The following CD151 variants were observed in gnomAD, a reference collection of about 807,000 sequenced individuals.
CD151 encodes CD151 molecule (Raph blood group), also known as CD151 antigen.
Under a neutral mutation model 34.2 loss-of-function variants are expected in CD151, and 20 were observed. That is an observed-to-expected ratio of 0.58 (90% CI 0.41 to 0.85). CD151 has a LOEUF of 0.85. CD151 is among the 40% of genes least tolerant of loss of function. CD151 has a pLI of 0.00. For synonymous variants in CD151, 157 were observed against 131.7 expected (o/e 1.19, Z -1.32); for missense variants, 306 against 324.5 (o/e 0.94, Z 0.44).
At position 836,171 on chromosome 11, in the gene CD151, T is replaced by TGGGGGGGG; in HGVS notation, c.84+19_84+20insGGGGGGGG. On this transcript the variant is annotated intron_variant, in intron 3 of 8. Transcript: ENST00000397420. ...GCTTCTGGGTGAGGAGGGGTCGCCTTGCCCCCACCCCCACCCCCACCCCTC... is the reference window on the plus strand; with the variant it reads ...GCTTCTGGGTGAGGAGGGGTCGCCTTGGGGGGGGGCCCCCACCCCCACCCCCACCCCTC... 6.4e-7 allele frequency: 1 copy of TGGGGGGGG among 1,563,396 alleles called. No homozygotes were observed.
At position 833,019 on chromosome 11, in the gene CD151, C is replaced by T. The variant is rs1846568375; in HGVS notation, c.-77C>T. On this transcript the variant is annotated 5_prime_UTR_variant, in exon 1 of 9. Transcript: ENST00000397420. ...CGCCGCCAGGGCCCGGACTCGGACG[C>T]GTGGTAGGTGAGTGCGCGGCCACGA... 1.3e-5 allele frequency: 1 copy of T among 76,288 alleles called. No individual in the cohort carries two copies. The highest frequency in any genetic ancestry group is 3.0e-4 in the South Asian group (1 of 3,366). The allele number at this position is 76,288 out of a possible 1,614,324, so 4.7% of individuals were successfully genotyped here.
In CD151 at chr11:836,784, C is replaced by G. The variant is rs2133960546; in HGVS notation, c.292C>G (p.Leu98Val). ...NLLRLYFILL[L>V]IIFLLEIIAG... ...CCCCCCCCAGTACTTCATCCTGCTC[C>G]TCATCATCTTTCTGCTGGAGATCAT... The change falls in exon 5 of 9, where the codon CTC (leucine) becomes GTC (valine). Residue 98 changes from leucine to valine, a missense_variant. Leu to Val is a conservative substitution (Grantham distance 32). Transcript: ENST00000397420. 6.2e-7 allele frequency: 1 copy of G among 1,612,762 alleles called. No individual in the cohort carries two copies. Among genetic ancestry groups the G allele is most frequent in the Non-Finnish European group, 8.5e-7 (1 of 1,179,916 alleles).
intron 1 of CD151, chr11:834,181 A>C (rs1846666535): frequency 6.6e-6 from 1 of 152,142 alleles, no homozygotes; most frequent in African/African-American, 2.4e-5. Flanking sequence ...CCACATGGTG[A>C]AACTCTGTCT....
intron 1 of CD151, among the ~76,000 whole-genome samples, chr11:834,229 G>T (rs1252724963): frequency 6.6e-6 from 1 of 152,118 alleles, no homozygotes; most frequent in Admixed American, 6.5e-5. Context: ...CGTGGTGGTG[G>T]GTGCCTGTAA....
At chr11:836,527 G>T in intron 4 of CD151, 85 bp downstream of exon 4, 3 of 1,038,584 alleles carry the variant, frequency 2.9e-6, no homozygotes, top group Non-Finnish European at 4.0e-6. Flanking sequence ...CCTGTGCCTT[G>T]CTGTGCTCAC....
rs1256966503 is a variant in CD151, at chr11:836,793, T to C, written c.301T>C (p.Phe101Leu). 1 of 1,612,796 alleles carries C rather than the reference T, an allele frequency of 6.2e-7. No individual in the cohort carries two copies. The highest frequency in any genetic ancestry group is 8.5e-7 in the Non-Finnish European group (1 of 1,179,938). ...GTACTTCATCCTGCTCCTCATCATC[T>C]TTCTGCTGGAGATCATCGCTGGTAT... is the stretch of plus-strand genomic sequence containing the variant. ...RLYFILLLII[F>L]LLEIIAGILA... The change falls in exon 5 of 9, where the codon TTT (phenylalanine) becomes CTT (leucine). Residue 101 changes from phenylalanine (F) to leucine (L), a missense_variant. Phe to Leu is a conservative substitution (Grantham distance 22). Coordinates refer to ENST00000397420, the MANE Select transcript of CD151 (RefSeq NM_004357.5).
chr11:833,122 GCCCTGCGCGCCCCAGC>G (rs1276359314), intron 1 of CD151, 96 bp downstream of exon 1: 1 of 151,074 alleles, frequency 6.6e-6, no homozygotes. Flanking sequence ...GGGGCCGAAG[GCCCTGCGCGCCCCAGC>G]CCCGGAGGCC....
intron 4 of CD151, 105 bp downstream of exon 4, chr11:836,547 G>A: frequency 3.2e-6 from 3 of 933,700 alleles, no homozygotes; most frequent in Non-Finnish European, 4.8e-6. Context: ...CCTGGGGGGG[G>A]GGTCACGGTC....
chr11:834,330 G>T (rs981673481), intron 1 of CD151, 200 bp from the exon 2 acceptor site: 1 of 152,414 alleles, frequency 6.6e-6, no homozygotes, highest in Admixed American at 6.5e-5. Context: ...TTGCACTCCA[G>T]CCTGGGTGAC....
Position 838,003 on chromosome 11 carries a change from T to C in CD151, c.677T>C (p.Val226Ala). Residue 226 changes from valine to alanine, a missense_variant, in exon 8 of 9, where the codon GTG (valine) becomes GCG (alanine). Val to Ala is a moderately conservative substitution (Grantham distance 64). Coordinates refer to ENST00000397420, the MANE Select transcript of CD151 (RefSeq NM_004357.5). The part of the protein sequence containing the change: ...IQEHLRVIGA[V>A]GIGIACVQVF... Reference sequence around the variant, plus strand: ...GAGCACCTGAGGGTCATTGGGGCTGTGGGGATCGGCATTGCCTGTGTGCAG... The same window carrying C: ...GAGCACCTGAGGGTCATTGGGGCTGCGGGGATCGGCATTGCCTGTGTGCAG... 6.2e-7 allele frequency: 1 copy of C among 1,613,408 alleles called. No individual in the cohort carries two copies.
chr11:835,107 C>T (rs1015274497), intron 2 of CD151: 4 of 152,222 alleles, frequency 2.6e-5, no homozygotes, highest in African/African-American at 7.2e-5. Flanking sequence ...CGGAGGTACC[C>T]GCTAGGGCTT....
chr11:838,313 A>G lies in CD151; in HGVS notation c.*121A>G. On this transcript the variant is annotated 3_prime_UTR_variant, in exon 9 of 9. Coordinates refer to ENST00000397420, the MANE Select transcript of CD151 (RefSeq NM_004357.5). ...ATCACCATAACCTCTGGGGACCCCAACCTCAGAGGCAGCTTCAAGTGCCTT... is the reference window on the plus strand; with the variant it reads ...ATCACCATAACCTCTGGGGACCCCAGCCTCAGAGGCAGCTTCAAGTGCCTT... 2.6e-6 allele frequency: 2 copies of G among 758,678 alleles called. No individual in the cohort carries two copies. Among genetic ancestry groups the G allele is most frequent in the South Asian group, 3.1e-5 (2 of 63,956 alleles). 47.0% of individuals were successfully genotyped at this position (758,678 alleles called of 1,614,324 possible). A position where few individuals can be genotyped will look rare whatever the true frequency, so the allele number is the denominator to read the frequency against.
chr11:834,029 G>A (rs949710522), intron 1 of CD151: 8 of 152,342 alleles, frequency 5.3e-5, no homozygotes, highest in Admixed American at 3.9e-4. Flanking sequence ...CCAGTGATGG[G>A]TCTGGAGCGA....
Position 836,044 on chromosome 11 carries a change from C to A in CD151, c.-7-19C>A, listed in dbSNP as rs768403385. 21 of 1,518,914 alleles carry A rather than the reference C, an allele frequency of 1.4e-5. No individual in the cohort carries two copies. Among genetic ancestry groups the A allele is most frequent in the Non-Finnish European group, 1.9e-5 (21 of 1,095,034 alleles). The allele number at this position is 1,518,914 out of a possible 1,614,324, so 94.1% of individuals were successfully genotyped here. A position where few individuals can be genotyped will look rare whatever the true frequency, so the allele number is the denominator to read the frequency against. ...GGCCCGGTGCTGTGGCCCCGCTGACCCCTCCCCTGCCTCCTCAGCCCCAGG... is the reference window on the plus strand; with the variant it reads ...GGCCCGGTGCTGTGGCCCCGCTGACACCTCCCCTGCCTCCTCAGCCCCAGG... On this transcript the variant is annotated intron_variant, in intron 2 of 8. Transcript: ENST00000397420.
At position 838,307 on chromosome 11, in the gene CD151, A is replaced by AC; in HGVS notation, c.*119dup. 1 of 800,540 alleles carries AC rather than the reference A, an allele frequency of 1.2e-6. No homozygotes were observed. Among genetic ancestry groups the AC allele is most frequent in the Non-Finnish European group, 2.0e-6 (1 of 489,106 alleles). The allele number at this position is 800,540 out of a possible 1,614,324, so 49.6% of individuals were successfully genotyped here. A position where few individuals can be genotyped will look rare whatever the true frequency, so the allele number is the denominator to read the frequency against. ...TGTGCCATCACCATAACCTCTGGGG[A>AC]CCCCAACCTCAGAGGCAGCTTCAAG... On this transcript the variant is annotated 3_prime_UTR_variant, in exon 9 of 9. Coordinates refer to ENST00000397420, the MANE Select transcript of CD151 (RefSeq NM_004357.5).
Position 836,456 on chromosome 11 carries a change from AG to A in CD151, c.276+17del. ...CTGCTGCGCCTGGTCAGGAGGGCGC[AG>A]GGCCACGGGGTGGGGGTGGTGCAGA... On this transcript the variant is annotated intron_variant, in intron 4 of 8. Coordinates refer to ENST00000397420, the MANE Select transcript of CD151 (RefSeq NM_004357.5). 1 of 1,589,214 alleles carries A rather than the reference AG, an allele frequency of 6.3e-7. No homozygotes were observed.
intron 5 of CD151, 127 bp downstream of exon 5, chr11:836,970 T>C: frequency 1.2e-6 from 1 of 857,240 alleles, no homozygotes. Context: ...AATGTGCCAC[T>C]GGGCCCTGGA....
chr11:835,311 C>A (rs1034739951), intron 2 of CD151: 1 of 152,322 alleles, frequency 6.6e-6, no homozygotes, highest in African/African-American at 2.4e-5. Context: ...GCCCCGACTT[C>A]TGGGCTGGCT....
At chr11:837,901 GC>G (rs989850577) in intron 7 of CD151, 40 bp from the exon 8 acceptor site, 19 of 1,479,458 alleles carry the variant, frequency 1.3e-5, no homozygotes, top group Non-Finnish European at 1.7e-5. Context: ...AGTGGGAGGT[GC>G]CCCCTGGGCC....
Sources: allele counts gnomAD v4.1 joint callset (sites outside exome capture counted in the v4.1 genomes callset), GRCh38; gene constraint gnomAD v4.1.1; transcripts MANE v1.5; gene names NCBI Gene and HGNC (gene_info 2026-07-23, HGNC 2026-07-21).